The following DOP1B variants were observed in gnomAD, a reference collection of about 807,000 sequenced individuals.
The protein encoded by DOP1B is protein DOP1B.
A neutral mutation model predicts 233.5 loss-of-function variants in DOP1B; 174 were observed. That is an observed-to-expected ratio of 0.75 (90% CI 0.66 to 0.85). DOP1B has a LOEUF of 0.85. DOP1B is among the 40% of genes least tolerant of loss of function. The probability of loss-of-function intolerance (pLI) is 0.00; values close to 1 mark genes in which losing one functional copy is unlikely to be tolerated. For missense variants in DOP1B, 2,652 were observed against 2,846.6 expected (o/e 0.93, Z 1.56); for synonymous variants, 1,190 against 1,185.6 (o/e 1.00, Z -0.08).
At chr21:36,206,062 A>G (rs2066422164) in intron 4 of DOP1B, among the ~76,000 whole-genome samples, 2 of 151,824 alleles carry the variant, frequency 1.3e-5, no homozygotes, top group African/African-American at 4.8e-5. Flanking sequence ...CTAATATTGG[A>G]ATTTAACAAC....
intron 35 of DOP1B, among the ~76,000 whole-genome samples, chr21:36,289,422 A>T (rs1049487664): frequency 8.9e-6 from 1 of 112,572 alleles, no homozygotes; most frequent in East Asian, 2.7e-4. Context: ...ATGTGTTTCT[A>T]TGGTGTGTGT....
intron 15 of DOP1B, among the ~76,000 whole-genome samples, chr21:36,234,795 C>A (rs2123558802): frequency 6.6e-6 from 1 of 152,306 alleles, no homozygotes; most frequent in Admixed American, 6.5e-5. Flanking sequence ...CCCACCTCAG[C>A]CTCCCAAAGT....
rs147964314 is a variant in DOP1B at position 36,188,338 on chromosome 21, G to A, written c.139-10732G>A. ...ACCCCGACTCCCTGAGATGGCTCTC[G>A]GCAGCCTTGCCTTCTGCCTGTTTCT... On this transcript the variant is annotated intron_variant, in intron 2 of 36. Transcript: ENST00000691173. 4.8e-3 allele frequency among the ~76,000 whole-genome samples: 731 copies of A among 152,258 alleles called. 10 individuals carry two copies. The highest frequency in any genetic ancestry group is 0.031 in the Middle Eastern group (9 of 294).
At chr21:36,211,513 G>C (rs771790204) in intron 5 of DOP1B, 40 bp from the exon 6 acceptor site, 20 of 1,577,856 alleles carry the variant, frequency 1.3e-5, no homozygotes, top group Admixed American at 3.3e-5. Flanking sequence ...TGACCATAAA[G>C]AGTAGCCTGA....
chr21:36,274,418 G>GA (rs1416554314), intron 27 of DOP1B, among the ~76,000 whole-genome samples: 4 of 152,064 alleles, frequency 2.6e-5, no homozygotes, highest in Admixed American at 6.6e-5. Context: ...TACCAAGGTG[G>GA]AAAAAACAGA....
At chr21:36,289,268 C>A in intron 35 of DOP1B, 62 bp downstream of exon 35, 1 of 1,531,808 alleles carries the variant, frequency 6.5e-7, no homozygotes, top group Non-Finnish European at 8.9e-7. Flanking sequence ...TCCTTTTAAG[C>A]ACTTTCACTT....
chr21:36,165,149 C>G (rs1235701234), intron 2 of DOP1B, among the ~76,000 whole-genome samples: 1 of 152,052 alleles, frequency 6.6e-6, no homozygotes, highest in Non-Finnish European at 1.5e-5. Flanking sequence ...CTCCTTCCAG[C>G]TTTTTCTGAG....
rs1348809375 is a variant in DOP1B at position 36,253,704 on chromosome 21, A to C, written c.5122-68A>C. On this transcript the variant is annotated intron_variant, in intron 22 of 36. Coordinates refer to ENST00000691173, the MANE Select transcript of DOP1B (RefSeq NM_001320714.2). ...GGGACGACTACTGTAGAATACAATA[A>C]GGATGTGTCATCCTTATTTTTACTT... The C allele has an allele frequency of 2.6e-6, 4 of 1,544,026 alleles. No individual in the cohort carries two copies. In the Admixed American group the frequency reaches 5.5e-5, roughly 21 times the overall value.
rs144222807 is a variant in DOP1B at position 36,214,460 on chromosome 21, C to G, written c.1033C>G (p.His345Asp). The stretch of plus-strand genomic sequence containing the variant: ...ATAATAGGGTTTGGCTGAGATATTG[C>G]ATCAGAAGTTCATAGATGCTGACGT... ...LLVEGLAEIL[H>D]QKFIDADVEE... Residue 345 changes from histidine (H) to aspartate (D), a missense_variant, in exon 9 of 37, where the codon CAT becomes GAT. His to Asp is a moderately conservative substitution (Grantham distance 81). This residue lies in a region of DOP1B where 2,617 missense variants were observed against 2,794.3 expected (regional missense o/e 0.94). Transcript: ENST00000691173. 1.2e-6 allele frequency: 2 copies of G among 1,612,938 alleles called. No homozygotes were observed. The highest frequency in any genetic ancestry group is 2.7e-5 in the African/African-American group (2 of 74,808).
intron 26 of DOP1B, among the ~76,000 whole-genome samples, chr21:36,265,394 C>T (rs2067219604): frequency 1.4e-5 from 2 of 147,666 alleles, no homozygotes; most frequent in South Asian, 4.3e-4. Flanking sequence ...GAAACTTCGT[C>T]TCAAAAACAA....
At chr21:36,198,858 C>T (rs1160442539) in intron 2 of DOP1B, among the ~76,000 whole-genome samples, 1 of 152,218 alleles carries the variant, frequency 6.6e-6, no homozygotes, top group African/African-American at 2.4e-5. Flanking sequence ...TGGCCACCTA[C>T]TAAGAAAGTC....
At chr21:36,257,644 GTAGT>G (rs1213932394) in intron 23 of DOP1B, among the ~76,000 whole-genome samples, 18 of 145,712 alleles carry the variant, frequency 1.2e-4, no homozygotes, top group African/African-American at 4.4e-4. Flanking sequence ...ATAGATAGAA[GTAGT>G]TAGGTAAATA....
rs1389465291 is a variant in DOP1B at position 36,230,725 on chromosome 21, G to A, written c.1941G>A (p.Leu647=). 3.1e-6 allele frequency: 5 copies of A among 1,614,086 alleles called. No homozygotes were observed. Among genetic ancestry groups the A allele is most frequent in the Non-Finnish European group, 4.2e-6 (5 of 1,180,058 alleles). ...FASKNIFGVQ[L]TASGEESKSE... ...GCAAGAACATTTTTGGAGTACAGCT[G>A]ACAGCGTCAGGAGAAGAAAGCAAGT... Residue 647 remains leucine (L), a synonymous_variant, in exon 14 of 37, where the codon CTG becomes CTA. Coordinates refer to ENST00000691173, the MANE Select transcript of DOP1B (RefSeq NM_001320714.2).
Position 36,277,106 on chromosome 21 carries a change from T to A in DOP1B, c.5712+6T>A. On this transcript the variant is annotated splice_donor_region_variant and intron_variant, in intron 28 of 36. Transcript: ENST00000691173. Reference sequence around the variant, plus strand: ...CCCTCTCTCTCCTGGCAGAGGTAAATACACACCTGACCTGTCGTCCTTTAT... The same window carrying A: ...CCCTCTCTCTCCTGGCAGAGGTAAAAACACACCTGACCTGTCGTCCTTTAT... 1.9e-6 allele frequency: 3 copies of A among 1,613,568 alleles called. No homozygotes were observed. The highest frequency in any genetic ancestry group is 2.5e-6 in the Non-Finnish European group (3 of 1,179,800).
chr21:36,199,168 C>A lies in DOP1B; in HGVS notation c.237C>A (p.Val79=), dbSNP rs1232774048. 1.9e-6 allele frequency: 3 copies of A among 1,614,026 alleles called. No homozygotes were observed. Among genetic ancestry groups the A allele is most frequent in the Non-Finnish European group, 2.5e-6 (3 of 1,180,048 alleles). ...TGCACCCTGCCCTGCCCAGTGGTGT[C>A]CACTTAAAAGCTCTGGAAACCTACG... ...QCLHPALPSG[V]HLKALETYEI... The change falls in exon 3 of 37, where the codon GTC becomes GTA. Residue 79 remains valine (V), a synonymous_variant. Coordinates refer to ENST00000691173, the MANE Select transcript of DOP1B (RefSeq NM_001320714.2).
chr21:36,256,220 C>A lies in DOP1B; in HGVS notation c.5259+2311C>A, dbSNP rs189928847. On this transcript the variant is annotated intron_variant, in intron 23 of 36. Coordinates refer to ENST00000691173, the MANE Select transcript of DOP1B (RefSeq NM_001320714.2). ...TGGTGGCTCATGCCTGTAGTCCTAG[C>A]ACTTTAGTCCAGGAGTTCGAGACCA... Among the ~76,000 whole-genome samples, 28 of 152,170 alleles carry A rather than the reference C, an allele frequency of 1.8e-4. No homozygotes were observed. In the East Asian group the frequency reaches 5.0e-3, roughly 27 times the overall value.
intron 12 of DOP1B, among the ~76,000 whole-genome samples, chr21:36,226,931 T>C (rs754101919): frequency 5.0e-4 from 76 of 152,146 alleles, no homozygotes; most frequent in Middle Eastern, 3.4e-3. Context: ...ATTAATATGG[T>C]ATGGTGGCTC....
rs199505594 is a variant in DOP1B at position 36,281,648 on chromosome 21, A to T, written c.6160+37A>T. On this transcript the variant is annotated intron_variant, in intron 32 of 36. Transcript: ENST00000691173. ...GTCTTAGTCTGTTTTTTGCTGCTAT[A>T]ACAGAATACCTGAGACTGGGGAATT... is the stretch of plus-strand genomic sequence containing the variant. 3,302 of 1,489,412 alleles carry T rather than the reference A, an allele frequency of 2.2e-3. 7 individuals carry two copies. The highest frequency in any genetic ancestry group is 2.8e-3 in the Non-Finnish European group (3,033 of 1,101,890). The allele number at this position is 1,489,412 out of a possible 1,614,324, so 92.3% of individuals were successfully genotyped here.
At chr21:36,271,871 G>A (rs1304848816) in intron 27 of DOP1B, among the ~76,000 whole-genome samples, 3 of 151,772 alleles carry the variant, frequency 2.0e-5, no homozygotes, top group Non-Finnish European at 2.9e-5. Flanking sequence ...GTTGGCTCAT[G>A]CCTGTAATCC....
Sources: allele counts gnomAD v4.1 joint callset (sites outside exome capture counted in the v4.1 genomes callset), GRCh38; gene constraint gnomAD v4.1.1; regional missense constraint gnomAD v4.1.1; transcripts MANE v1.5; gene names NCBI Gene and HGNC (gene_info 2026-07-23, HGNC 2026-07-21).